LILRB5: variants seen among roughly 807,000 people sequenced by gnomAD.
LILRB5 encodes the protein leukocyte immunoglobulin like receptor B5.
Under a neutral mutation model 68.4 loss-of-function variants are expected in LILRB5, and 61 were observed. The observed-to-expected ratio is 0.89, with a 90% CI of 0.73 to 1.10. The LOEUF (loss-of-function observed/expected upper bound fraction) is 1.10. Ranked by LOEUF, LILRB5 falls within the 50% of genes least tolerant of loss-of-function variation. LILRB5 has a pLI of 0.00. For synonymous variants in LILRB5, 356 were observed against 315.8 expected (o/e 1.13, Z -1.35); for missense variants, 771 against 751.6 (o/e 1.03, Z -0.30).
intron 8 of LILRB5, 44 bp from the exon 9 acceptor site, chr19:54,253,031 T>C: frequency 7.3e-7 from 1 of 1,368,862 alleles, no homozygotes. Context: ...GTCATTGATG[T>C]GAGCACCTTC....
chr19:54,253,187 G>A, intron 8 of LILRB5, 200 bp from the exon 9 acceptor site: 1 of 272,714 alleles, frequency 3.7e-6, no homozygotes, highest in Non-Finnish European at 7.5e-6. Context: ...TCCTCAGCCT[G>A]GAAGAAGCAG....
chr19:54,256,840 G>A, intron 2 of LILRB5, 67 bp from the exon 3 acceptor site: 2 of 1,608,256 alleles, frequency 1.2e-6, no homozygotes, highest in Non-Finnish European at 1.7e-6. Context: ...CTCAGCCCCA[G>A]GACCCTCCAG....
chr19:54,253,028 A>T (rs1398605204), intron 8 of LILRB5, 41 bp from the exon 9 acceptor site: 1 of 1,380,134 alleles, frequency 7.2e-7, no homozygotes. Context: ...GACGTCATTG[A>T]TGTGAGCACC....
chr19:54,255,991 C>T, intron 4 of LILRB5, 52 bp downstream of exon 4: 2 of 1,424,284 alleles, frequency 1.4e-6, no homozygotes, highest in Non-Finnish European at 1.9e-6. Context: ...AAACTCCCAA[C>T]AACCTATCTG....
rs1414807940 is a variant in LILRB5, at chr19:54,255,521, G to C, written c.717C>G (p.Ser239Arg). 3 of 1,613,996 alleles carry C rather than the reference G, an allele frequency of 1.9e-6. No individual in the cohort carries two copies. The highest frequency in any genetic ancestry group is 2.5e-6 in the Non-Finnish European group (3 of 1,179,950). Reference sequence around the variant, plus strand: ...CATCAGAGCGACACTGCAGGGTCAGGCTGCCTCCGCGGGCCACGACAGAGC... The same window carrying C: ...CATCAGAGCGACACTGCAGGGTCAGCCTGCCTCCGCGGGCCACGACAGAGC... ...PQGSVVARGGSLTLQCRSDVG... is the reference protein window; with the variant it reads ...PQGSVVARGGRLTLQCRSDVG... Residue 239 changes from serine to arginine, a missense_variant, in exon 5 of 13, where the codon AGC (serine) becomes AGG (arginine). Ser to Arg is a moderately radical substitution (Grantham distance 110, BLOSUM62 -1). Transcript: ENST00000449561.
chr19:54,254,298 G>T, intron 7 of LILRB5, 67 bp downstream of exon 7: 11 of 1,518,310 alleles, frequency 7.2e-6, no homozygotes, highest in Non-Finnish European at 8.9e-6. Context: ...TAGGATCCTC[G>T]GGGAGACTCA....
chr19:54,255,685 G>C (rs928197904), intron 4 of LILRB5, 103 bp from the exon 5 acceptor site: 78 of 1,333,858 alleles, frequency 5.8e-5, no homozygotes, highest in Non-Finnish European at 7.6e-5. Flanking sequence ...TGTCTCTCAC[G>C]CTCTGTGTCT....
rs530931985 is a variant in LILRB5 at position 54,256,624 on chromosome 19, G to A, written c.220C>T (p.Pro74Ser). The change falls in exon 3 of 13, where the codon CCA becomes TCA. Residue 74 changes from proline (P) to serine (S), a missense_variant. By Grantham distance (74) the Pro-to-Ser change is moderately conservative. Coordinates refer to ENST00000449561, the MANE Select transcript of LILRB5 (RefSeq NM_001081442.3). ...GLPWARKRQN[P>S]LEPGAKAKFH... ...TTGGCCTTGGCTCCAGGCTCCAGTG[G>A]GTTCTGTCTCTTCCGGGCCCATGGG... The A allele has an allele frequency of 4.3e-6, 7 of 1,614,084 alleles. No homozygotes were observed. In the Admixed American group the frequency reaches 1.2e-4, roughly 27 times the overall value.
Position 54,250,685 on chromosome 19 carries a change from G to C in LILRB5, c.*101C>G. 1 of 1,487,202 alleles carries C rather than the reference G, an allele frequency of 6.7e-7. No homozygotes were observed. The highest frequency in any genetic ancestry group is 9.2e-7 in the Non-Finnish European group (1 of 1,086,116). The allele number at this position is 1,487,202 out of a possible 1,614,324, so 92.1% of individuals were successfully genotyped here. On this transcript the variant is annotated 3_prime_UTR_variant, in exon 13 of 13. Coordinates refer to ENST00000449561, the MANE Select transcript of LILRB5 (RefSeq NM_001081442.3). ...CCTGGTGGTCTTTGTTAGGGGTCCA[G>C]GCTGGCTGGGGTTCATTGGTGTCCA...
rs773640729 is a variant in LILRB5, at chr19:54,254,974, TTC to T, written c.1014_1015del (p.Asn339ArgfsTer36). On this transcript the variant is annotated frameshift_variant, in exon 6 of 13. Transcript: ENST00000449561. LOFTEE classifies it high-confidence loss of function. The stretch of plus-strand genomic sequence containing the variant: ...CCATGACTGACACAGCAGGGTCACG[TTC>T]TCTCCTGAGGCCACCTTGGGGCCCG... The T allele has an allele frequency of 4.3e-6, 7 of 1,613,374 alleles. No homozygotes were observed. Among genetic ancestry groups the T allele is most frequent in the Non-Finnish European group, 5.9e-6 (7 of 1,179,824 alleles).
At chr19:54,251,026 T>G (rs758437881) in intron 12 of LILRB5, 94 bp from the exon 13 acceptor site, 2 of 1,593,634 alleles carry the variant, frequency 1.3e-6, no homozygotes, top group South Asian at 2.2e-5. Flanking sequence ...TGTCCATCTG[T>G]CTGTCCTCTT....
chr19:54,256,068 A>C lies in LILRB5; in HGVS notation c.630T>G (p.Ser210Arg), dbSNP rs199539096. 3.7e-4 allele frequency: 569 copies of C among 1,554,282 alleles called. 1 individual carries two copies. The highest frequency in any genetic ancestry group is 4.7e-4 in the Non-Finnish European group (547 of 1,153,332). Residue 210 changes from serine (S) to arginine (R), a missense_variant, in exon 4 of 13, where the codon AGT becomes AGG. Ser to Arg is a moderately radical substitution (Grantham distance 110). Transcript: ENST00000449561. The stretch of plus-strand genomic sequence containing the variant: ...CTGGGACCAGAATCTCCAGGAGGTC[A>C]CTGGGGTTCGACCACACCTGAGGGT... ...RKNPQVWSNP[S>R]DLLEILVPGV...
intron 5 of LILRB5, 85 bp downstream of exon 5, chr19:54,255,201 C>T (rs932057687): frequency 6.5e-7 from 1 of 1,549,466 alleles, no homozygotes; most frequent in African/African-American, 1.4e-5. Flanking sequence ...ACCCCCCCGC[C>T]TCATCCCGGC....
In LILRB5 at chr19:54,252,976, G is replaced by A; in HGVS notation, c.1369C>T (p.His457Tyr). ...GAGACCCCAGTCACAACCCCCAGGTGCCTTCCCAGACCTTGAGCGTGATGA... is the reference window on the plus strand; with the variant it reads ...GAGACCCCAGTCACAACCCCCAGGTACCTTCCCAGACCTTGAGCGTGATGA... ...GLDPQSGLGRHLGVVTGVSVA... is the reference protein window; with the variant it reads ...GLDPQSGLGRYLGVVTGVSVA... The change falls in exon 9 of 13, where the codon CAC becomes TAC. Residue 457 changes from histidine to tyrosine, a missense_variant. Coordinates refer to ENST00000449561, the MANE Select transcript of LILRB5 (RefSeq NM_001081442.3). The A allele has an allele frequency of 6.4e-7, 1 of 1,564,718 alleles. No individual in the cohort carries two copies. The highest frequency in any genetic ancestry group is 8.7e-7 in the Non-Finnish European group (1 of 1,149,354).
Position 54,254,372 on chromosome 19 carries a change from G to T in LILRB5, c.1299C>A (p.Pro433=). Residue 433 remains proline, a synonymous_variant, in exon 7 of 13, where the codon CCC becomes CCA. Coordinates refer to ENST00000449561, the MANE Select transcript of LILRB5 (RefSeq NM_001081442.3). The part of the protein sequence containing the change: ...DPSLSPTGST[P]TPAGPEDQPL... ...GAGGCCTCAGTGACTCACCAGGTGT[G>T]GGGGTGGAGCCTGTAGGTGAGAGGC... 1.3e-6 allele frequency: 2 copies of T among 1,581,300 alleles called. No homozygotes were observed. Among genetic ancestry groups the T allele is most frequent in the Non-Finnish European group, 1.7e-6 (2 of 1,163,762 alleles).
At chr19:54,256,396 C>T (rs954604823) in intron 3 of LILRB5, 54 bp from the exon 4 acceptor site, 1 of 1,589,050 alleles carries the variant, frequency 6.3e-7, no homozygotes, top group African/African-American at 1.3e-5. Flanking sequence ...CACATCATCC[C>T]CAGGGCTGGG....
rs1448380617 is a variant in LILRB5 at position 54,257,204 on chromosome 19, C to A, written c.-11G>T. ...GAGGGTGAGGGTCATGGCGTCAGCT[C>A]CCACTGGACTCAGCTGTGCAGGCGG... is the stretch of plus-strand genomic sequence containing the variant. On this transcript the variant is annotated 5_prime_UTR_variant, in exon 1 of 13. Transcript: ENST00000449561. 6.2e-7 allele frequency: 1 copy of A among 1,614,080 alleles called. No homozygotes were observed. The highest frequency in any genetic ancestry group is 8.5e-7 in the Non-Finnish European group (1 of 1,180,024).
At chr19:54,256,433 C>A in intron 3 of LILRB5, 56 bp downstream of exon 3, 1 of 1,601,218 alleles carries the variant, frequency 6.2e-7, no homozygotes, top group South Asian at 1.1e-5. Context: ...TCCCTAAGAG[C>A]CGACCCTCTT....
Sources: allele counts gnomAD v4.1 joint callset, GRCh38; gene constraint gnomAD v4.1.1; transcripts MANE v1.5; gene names NCBI Gene and HGNC (gene_info 2026-07-23, HGNC 2026-07-21).